The following ST7 variants were observed in gnomAD, a reference collection of about 807,000 sequenced individuals.
ST7 encodes suppression of tumorigenicity 7.
A neutral mutation model predicts 78.7 loss-of-function variants in ST7; 28 were observed. The observed-to-expected ratio is 0.36, with a 90% CI of 0.26 to 0.49. The LOEUF is 0.49. ST7 is among the 20% of genes least tolerant of loss of function. ST7 has a pLI of 0.99. For synonymous variants in ST7, 247 were observed against 249.6 expected (o/e 0.99, Z 0.10); for missense variants, 418 against 696.0 (o/e 0.60, Z 4.49).
intron 12 of ST7, among the ~76,000 whole-genome samples, chr7:117,200,786 T>A (rs1404173456): frequency 6.7e-6 from 1 of 149,688 alleles, no homozygotes; most frequent in Non-Finnish European, 1.5e-5. Context: ...AAGAGTGTTA[T>A]GACAGAAATG....
intron 10 of ST7, among the ~76,000 whole-genome samples, chr7:117,185,862 G>T (rs896680459): frequency 4.3e-4 from 65 of 152,324 alleles, no homozygotes; most frequent in African/African-American, 1.5e-3. Context: ...GGCGGAGGTT[G>T]CAGTTAGCTG....
chr7:117,027,910 A>T (rs1204494967), intron 1 of ST7, among the ~76,000 whole-genome samples: 1 of 152,122 alleles, frequency 6.6e-6, no homozygotes, highest in Non-Finnish European at 1.5e-5. Flanking sequence ...TAAAATTTGA[A>T]TCTGCTGTGG....
intron 2 of ST7, among the ~76,000 whole-genome samples, chr7:117,101,429 C>T (rs1361408054): frequency 6.6e-6 from 1 of 152,156 alleles, no homozygotes; most frequent in Non-Finnish European, 1.5e-5. Flanking sequence ...ACTAAGGGCA[C>T]TCTTAGAAGA....
intron 1 of ST7, among the ~76,000 whole-genome samples, chr7:117,082,503 C>T (rs958654336): frequency 2.0e-5 from 3 of 152,124 alleles, no homozygotes; most frequent in Non-Finnish European, 2.9e-5. Context: ...TATAAAGTTT[C>T]GAGGAATGGC....
At chr7:116,981,266 C>T (rs1049319240) in intron 1 of ST7, among the ~76,000 whole-genome samples, 5 of 152,116 alleles carry the variant, frequency 3.3e-5, no homozygotes, top group Admixed American at 1.3e-4. Context: ...TGCCACCACA[C>T]CCAGCTAATT....
At chr7:117,080,483 G>T (rs1291253977) in intron 1 of ST7, among the ~76,000 whole-genome samples, 1 of 151,484 alleles carries the variant, frequency 6.6e-6, no homozygotes, top group Non-Finnish European at 1.5e-5. Flanking sequence ...TTAGTTTTTA[G>T]GTTTTTTTGC....
At chr7:117,133,442 C>T (rs1275037102) in intron 6 of ST7, among the ~76,000 whole-genome samples, 1 of 151,874 alleles carries the variant, frequency 6.6e-6, no homozygotes, top group Non-Finnish European at 1.5e-5. Context: ...CTTTTTCAGT[C>T]TGACAGTCAT....
intron 1 of ST7, among the ~76,000 whole-genome samples, chr7:117,004,797 TA>T (rs1795091585): frequency 6.6e-6 from 1 of 152,232 alleles, no homozygotes; most frequent in Admixed American, 6.5e-5. Flanking sequence ...TTTCTAAAAA[TA>T]TAGGTTATAG....
intron 1 of ST7, chr7:117,098,742 A>T: frequency 7.7e-7 from 1 of 1,292,856 alleles, no homozygotes; most frequent in Non-Finnish European, 1.0e-6. Flanking sequence ...CCTACTTCTA[A>T]AACCAGACTG....
chr7:116,969,696 C>A (rs1165211903), intron 1 of ST7, among the ~76,000 whole-genome samples: 1 of 152,178 alleles, frequency 6.6e-6, no homozygotes, highest in Non-Finnish European at 1.5e-5. Flanking sequence ...TTCAAAGCCT[C>A]CCATAACAAA....
At chr7:117,085,080 T>A (rs1800040117) in intron 1 of ST7, among the ~76,000 whole-genome samples, 2 of 152,140 alleles carry the variant, frequency 1.3e-5, no homozygotes, top group Non-Finnish European at 2.9e-5. Flanking sequence ...ATTGATTCTG[T>A]ACAAGAAAAA....
intron 5 of ST7, among the ~76,000 whole-genome samples, chr7:117,131,383 G>A (rs1260337739): frequency 1.3e-5 from 2 of 151,810 alleles, no homozygotes; most frequent in Non-Finnish European, 2.9e-5. Flanking sequence ...AGGTTTGCAG[G>A]TAAATTTGGG....
intron 1 of ST7, among the ~76,000 whole-genome samples, chr7:117,070,188 G>T (rs1798853729): frequency 6.6e-6 from 1 of 152,168 alleles, no homozygotes; most frequent in Non-Finnish European, 1.5e-5. Context: ...TTAATTAGCA[G>T]CTTGTTTCAG....
intron 1 of ST7, among the ~76,000 whole-genome samples, chr7:116,971,090 G>A (rs912903042): frequency 2.6e-5 from 4 of 152,132 alleles, no homozygotes; most frequent in African/African-American, 9.7e-5. Flanking sequence ...ATGGGGACTC[G>A]GTAGGGAAAG....
intron 1 of ST7, among the ~76,000 whole-genome samples, chr7:117,071,173 C>T (rs1294767446): frequency 1.3e-5 from 2 of 152,068 alleles, no homozygotes; most frequent in African/African-American, 2.4e-5. Flanking sequence ...GAGCCGAGAT[C>T]GCGCCACTGG....
chr7:117,139,321 A>T (rs1805068882), intron 9 of ST7, among the ~76,000 whole-genome samples: 1 of 152,194 alleles, frequency 6.6e-6, no homozygotes, highest in Admixed American at 6.5e-5. Flanking sequence ...TCAACATTTC[A>T]TTCTTTTGCT....
At chr7:117,087,527 A>G (rs1021304484) in intron 1 of ST7, among the ~76,000 whole-genome samples, 2 of 152,230 alleles carry the variant, frequency 1.3e-5, no homozygotes, top group Admixed American at 6.5e-5. Flanking sequence ...ATTATACTTC[A>G]TAGAAGGGCT....
At chr7:117,108,828 T>C (rs758073569) in intron 2 of ST7, among the ~76,000 whole-genome samples, 7 of 152,204 alleles carry the variant, frequency 4.6e-5, no homozygotes, top group Non-Finnish European at 8.8e-5. Flanking sequence ...AGTGTATTCC[T>C]AAGTATTTTT....
At chr7:117,086,710 A>G (rs1464822846) in intron 1 of ST7, among the ~76,000 whole-genome samples, 1 of 152,166 alleles carries the variant, frequency 6.6e-6, no homozygotes, top group Admixed American at 6.5e-5. Context: ...TGAAAATATC[A>G]GTGCTCCAGT....
Sources: allele counts gnomAD v4.1 joint callset (sites outside exome capture counted in the v4.1 genomes callset), GRCh38; gene constraint gnomAD v4.1.1; transcripts MANE v1.5; gene names NCBI Gene and HGNC (gene_info 2026-07-23, HGNC 2026-07-21).